The following ZNF442 variants were observed in gnomAD, a reference collection of about 807,000 sequenced individuals.
ZNF442 encodes the protein zinc finger protein 442.
ZNF442 carries 45 observed loss-of-function variants against 57.0 expected under a neutral mutation model. The observed-to-expected ratio is 0.79, with a 90% confidence interval of 0.62 to 1.01. The LOEUF (loss-of-function observed/expected upper bound fraction) is 1.01. Among genes scored for constraint, ZNF442 ranks in the 50% least tolerant of loss-of-function variants. ZNF442 has a pLI of 0.00. For missense variants in ZNF442, 690 were observed against 756.5 expected, an observed-to-expected ratio of 0.91 and a Z score of 1.03; for synonymous variants, 213 against 241.8, an observed-to-expected ratio of 0.88 and a Z score of 1.10.
chr19:12,368,769 T>C (rs899337502), upstream of ZNF442, among the ~76,000 whole-genome samples: 2 of 152,124 alleles, frequency 1.3e-5, no homozygotes, highest in Non-Finnish European at 2.9e-5. Context: ...TCGTTCCCTC[T>C]TATCACAACT....
upstream of ZNF442, among the ~76,000 whole-genome samples, chr19:12,368,300 A>C (rs1470378299): frequency 6.6e-6 from 1 of 152,254 alleles, no homozygotes; most frequent in Non-Finnish European, 1.5e-5. Context: ...AGACAGGCAT[A>C]AGAAATTATA....
chr19:12,363,520 C>A, intron 3 of ZNF442, 34 bp downstream of exon 3: 2 of 1,604,358 alleles, frequency 1.2e-6, no homozygotes, highest in South Asian at 1.1e-5. Context: ...GAGGTTCTTG[C>A]ACAACTGGAA....
Position 12,350,623 on chromosome 19 carries a change from T to C in ZNF442, c.962A>G (p.Tyr321Cys), listed in dbSNP as rs779764337. 6 of 1,614,110 alleles carry C rather than the reference T, an allele frequency of 3.7e-6. No homozygotes were observed. The highest frequency in any genetic ancestry group is 3.3e-5 in the Admixed American group (2 of 60,008). ...TGCTTTCCCGCATTGCTTGCATTCA[T>C]AGGGTTTCTCTCCAGTGTGAGTTCT... ...HERTHTGEKP[Y>C]ECKQCGKAFH... The change falls in exon 6 of 6, where the codon TAT (tyrosine) becomes TGT (cysteine). Residue 321 changes from tyrosine to cysteine, a missense_variant. Transcript: ENST00000242804.
At chr19:12,359,475 C>T (rs898720362) in intron 3 of ZNF442, among the ~76,000 whole-genome samples, 1 of 152,186 alleles carries the variant, frequency 6.6e-6, no homozygotes, top group African/African-American at 2.4e-5. Context: ...CCTCCAAATT[C>T]CCATTTTTTA....
chr19:12,362,450 C>T (rs1345791419), intron 3 of ZNF442, among the ~76,000 whole-genome samples: 1 of 151,510 alleles, frequency 6.6e-6, no homozygotes, highest in Admixed American at 6.6e-5. Flanking sequence ...TGCCCGGCCG[C>T]CCCGTCTGTG....
Position 12,350,755 on chromosome 19 carries a change from T to G in ZNF442, c.830A>C (p.Tyr277Ser). 1.2e-6 allele frequency: 2 copies of G among 1,614,124 alleles called. No homozygotes were observed. Among genetic ancestry groups the G allele is most frequent in the Non-Finnish European group, 1.7e-6 (2 of 1,180,026 alleles). The change falls in exon 6 of 6, where the codon TAC becomes TCC. Residue 277 changes from tyrosine (Y) to serine (S), a missense_variant. Physicochemically the swap from Tyr to Ser is moderately radical, Grantham distance 144 (BLOSUM62 -2). Transcript: ENST00000242804. ...CKHCSKAFPD[Y>S]SSYVRHERTH... ...TCTTTCATGTCTTACATAGGAACTG[T>G]AATCAGGGAAGGCTTTGGAACAGTG...
rs1969178598 is a variant in ZNF442 at position 12,349,559 on chromosome 19, C to T, written c.*142G>A. The T allele has an allele frequency of 2.4e-6, 2 of 828,378 alleles. No individual in the cohort carries two copies. The highest frequency in any genetic ancestry group is 1.8e-6 in the Non-Finnish European group (1 of 551,568). 51.3% of individuals were successfully genotyped at this position (828,378 alleles called of 1,614,324 possible). On this transcript the variant is annotated 3_prime_UTR_variant, in exon 6 of 6. Transcript: ENST00000242804. The stretch of plus-strand genomic sequence containing the variant: ...TGCTTAGGGGGTCTGGAACCAATCC[C>T]CTGCATATGGTTAGGGGATAACCAT...
chr19:12,351,785 G>T, intron 5 of ZNF442: 1 of 463,238 alleles, frequency 2.2e-6, no homozygotes, highest in Non-Finnish European at 3.8e-6. Context: ...TTACAGGCGT[G>T]AGCCACCGTG....
At chr19:12,367,870 G>A (rs922684798), upstream of ZNF442, among the ~76,000 whole-genome samples, 13 of 152,090 alleles carry the variant, frequency 8.5e-5, no homozygotes, top group East Asian at 1.2e-3. Context: ...GGGTTTCACC[G>A]TGTTAGCCAG....
At chr19:12,370,175 G>A (rs1323786954), upstream of ZNF442, among the ~76,000 whole-genome samples, 2 of 151,346 alleles carry the variant, frequency 1.3e-5, no homozygotes, top group African/African-American at 2.4e-5. Context: ...AGAATCAGTG[G>A]GAGCCCTGAG....
At chr19:12,359,907 G>C (rs1217942618) in intron 3 of ZNF442, among the ~76,000 whole-genome samples, 1 of 152,006 alleles carries the variant, frequency 6.6e-6, no homozygotes, top group East Asian at 1.9e-4. Flanking sequence ...AAACCCGGGA[G>C]GTGGAGGTTG....
intron 3 of ZNF442, among the ~76,000 whole-genome samples, chr19:12,361,565 T>A (rs1969425688): frequency 6.6e-6 from 1 of 152,228 alleles, no homozygotes; most frequent in Non-Finnish European, 1.5e-5. Context: ...ACTGTCACTG[T>A]TAAGCCCTGA....
chr19:12,366,515 C>G (rs551368445), upstream of ZNF442, among the ~76,000 whole-genome samples: 1 of 152,100 alleles, frequency 6.6e-6, no homozygotes, highest in Non-Finnish European at 1.5e-5. Flanking sequence ...ATAATAACTT[C>G]GAGATAAACT....
Position 12,348,722 on chromosome 19 carries a change from A to G in ZNF442, c.*979T>C, listed in dbSNP as rs113532642. 2.6e-5 allele frequency: 4 copies of G among 152,216 alleles called. No individual in the cohort carries two copies. Among genetic ancestry groups the G allele is most frequent in the African/African-American group, 9.6e-5 (4 of 41,542 alleles). 9.4% of individuals were successfully genotyped at this position (152,216 alleles called of 1,614,324 possible). A position where few individuals can be genotyped will look rare whatever the true frequency, so the allele number is the denominator to read the frequency against. On this transcript the variant is annotated 3_prime_UTR_variant, in exon 6 of 6. Transcript: ENST00000242804. ...TCACTGTTTATCTACAGTGCCACCC[A>G]TCTAGTCACCTCAGTGAATCATATT... is the stretch of plus-strand genomic sequence containing the variant.
intron 5 of ZNF442, 137 bp downstream of exon 5, chr19:12,351,873 T>C (rs1010670649): frequency 2.1e-5 from 14 of 676,756 alleles, no homozygotes; most frequent in South Asian, 2.0e-4. Context: ...TTTAAGTATA[T>C]GTTTCTGGAG....
In ZNF442 at chr19:12,362,404, C is replaced by T. The variant is rs1477765367; in HGVS notation, c.78+1150G>A. Among the ~76,000 whole-genome samples, 3 of 151,920 alleles carry T rather than the reference C, an allele frequency of 2.0e-5. No homozygotes were observed. The East Asian group carries it at 5.8e-4, about 29-fold the overall frequency. The stretch of plus-strand genomic sequence containing the variant: ...CTGGGAACTGAGGAGTGTCTCTGCC[C>T]GACCGCCACCCCGTCTGGGAGGTAA... On this transcript the variant is annotated intron_variant, in intron 3 of 5. Transcript: ENST00000242804.
upstream of ZNF442, among the ~76,000 whole-genome samples, chr19:12,367,626 C>T (rs915279715): frequency 5.9e-5 from 9 of 152,180 alleles, no homozygotes; most frequent in East Asian, 1.7e-3. Context: ...TATAGACCTA[C>T]CCCCAGGAAT....
At chr19:12,362,270 G>C (rs1413159388) in intron 3 of ZNF442, among the ~76,000 whole-genome samples, 1 of 152,000 alleles carries the variant, frequency 6.6e-6, no homozygotes, top group East Asian at 1.9e-4. Context: ...CGTCTAGGAA[G>C]TGAGGAGCAT....
upstream of ZNF442, among the ~76,000 whole-genome samples, chr19:12,370,005 A>G (rs931123299): frequency 6.6e-6 from 1 of 151,904 alleles, no homozygotes; most frequent in Non-Finnish European, 1.5e-5. Flanking sequence ...AGCAGTTCCT[A>G]ACCTTTTTGG....
Sources: gnomAD v4.1 joint callset for allele counts (sites outside exome capture counted in the v4.1 genomes callset) on GRCh38, gnomAD v4.1.1 for gene constraint, MANE v1.5 for transcripts, NCBI Gene and HGNC (gene_info 2026-07-23, HGNC 2026-07-21) for gene names.